Variants in KIF6 observed in about 807,000 individuals in gnomAD.
The protein encoded by KIF6 is kinesin family member 6.
Under a neutral mutation model 112.7 loss-of-function variants are expected in KIF6, and 106 were observed. The ratio of observed to expected loss-of-function variants is 0.94; its 90% CI spans 0.80 to 1.11. The LOEUF is 1.11. Ranked by LOEUF, KIF6 falls within the 50% of genes least tolerant of loss-of-function variation. The probability of loss-of-function intolerance (pLI) is 0.00; values close to 1 mark genes in which losing one functional copy is unlikely to be tolerated. For missense variants in KIF6, 929 were observed against 964.0 expected (o/e 0.96, Z 0.48); for synonymous variants, 339 against 339.9 (o/e 1.00, Z 0.03).
At chr6:39,338,539 C>T (rs981370977) in intron 22 of KIF6, among the ~76,000 whole-genome samples, 4 of 152,280 alleles carry the variant, frequency 2.6e-5, no homozygotes, top group African/African-American at 2.4e-5. Flanking sequence ...ACAAGTACAC[C>T]GAGCCTATGA....
At chr6:39,518,134 C>T (rs1038129072) in intron 13 of KIF6, among the ~76,000 whole-genome samples, 4 of 152,160 alleles carry the variant, frequency 2.6e-5, no homozygotes, top group Non-Finnish European at 5.9e-5. Flanking sequence ...AGTTCTGGAA[C>T]ACTAAGTGTG....
chr6:39,369,617 G>A (rs758936979), intron 16 of KIF6, among the ~76,000 whole-genome samples: 2 of 152,106 alleles, frequency 1.3e-5, no homozygotes, highest in Admixed American at 1.3e-4. Flanking sequence ...CAGGGATGGC[G>A]GCCTCTCTCC....
rs1765807884 is a variant in KIF6 at position 39,369,497 on chromosome 6, G to C, written c.1862-6979C>G. Reference sequence around the variant, plus strand: ...GAAACGTGCCAGATGCCTGCTTGTAGCAAAACCCAGGCCCTGACAGTCCCC... The same window carrying C: ...GAAACGTGCCAGATGCCTGCTTGTACCAAAACCCAGGCCCTGACAGTCCCC... On this transcript the variant is annotated intron_variant, in intron 16 of 22. Coordinates refer to ENST00000287152, the MANE Select transcript of KIF6 (RefSeq NM_145027.6). Among the ~76,000 whole-genome samples, 3 of 152,150 alleles carry C rather than the reference G, an allele frequency of 2.0e-5. No individual in the cohort carries two copies. In the South Asian group the frequency reaches 6.2e-4, roughly 32 times the overall value.
intron 1 of KIF6, among the ~76,000 whole-genome samples, chr6:39,723,300 T>G (rs1270817876): frequency 1.3e-5 from 2 of 152,198 alleles, no homozygotes. Flanking sequence ...AGTATATATA[T>G]GGAACAGGAA....
At chr6:39,617,007 A>C (rs1275235367) in intron 5 of KIF6, among the ~76,000 whole-genome samples, 2 of 152,224 alleles carry the variant, frequency 1.3e-5, no homozygotes, top group African/African-American at 4.8e-5. Context: ...TGGGCTTGAA[A>C]GAGGGCTTTA....
At chr6:39,339,110 A>G (rs564483135) in intron 22 of KIF6, among the ~76,000 whole-genome samples, 13 of 152,120 alleles carry the variant, frequency 8.5e-5, no homozygotes, top group Non-Finnish European at 1.6e-4. Context: ...CTCTGTCTGT[A>G]TTGGGGTTTT....
At chr6:39,719,214 G>A (rs1790055265) in intron 2 of KIF6, among the ~76,000 whole-genome samples, 3 of 152,162 alleles carry the variant, frequency 2.0e-5, no homozygotes, top group Admixed American at 6.5e-5. Flanking sequence ...AGTTACTTGG[G>A]AGGCTGAGGC....
rs551215301 is a variant in KIF6, at chr6:39,342,644, G to A, written c.2428+1065C>T. On this transcript the variant is annotated intron_variant, in intron 22 of 22. Coordinates refer to ENST00000287152, the MANE Select transcript of KIF6 (RefSeq NM_145027.6). The surrounding 1 kb of genome is among the most constrained non-coding windows in gnomAD (Gnocchi z 4.7). ...TTATTTTTTTTTATTTTTAGACAAG[G>A]AAACTGAGAATGAGACAAGATCACA... 4.8e-4 allele frequency among the ~76,000 whole-genome samples: 68 copies of A among 141,826 alleles called. No homozygotes were observed. The highest frequency in any genetic ancestry group is 1.8e-3 in the African/African-American group (63 of 35,410). 93.0% of individuals were successfully genotyped at this position (141,826 alleles called of 152,430 possible).
At chr6:39,483,147 A>C (rs1011415115) in intron 13 of KIF6, among the ~76,000 whole-genome samples, 8 of 152,292 alleles carry the variant, frequency 5.3e-5, no homozygotes, top group African/African-American at 1.7e-4. Context: ...TATTCAGCCG[A>C]TTTGAGAGAT....
intron 10 of KIF6, among the ~76,000 whole-genome samples, chr6:39,546,914 G>A (rs968211361): frequency 2.0e-5 from 3 of 151,182 alleles, no homozygotes; most frequent in African/African-American, 7.3e-5. Context: ...GGAAATTCTT[G>A]GCTCTTATTT....
At chr6:39,620,157 C>T (rs1783737504) in intron 5 of KIF6, among the ~76,000 whole-genome samples, 1 of 152,208 alleles carries the variant, frequency 6.6e-6, no homozygotes, top group African/African-American at 2.4e-5. Flanking sequence ...TATCATGTTC[C>T]TTCTGATGCT....
intron 5 of KIF6, among the ~76,000 whole-genome samples, chr6:39,625,395 C>G (rs560363844): frequency 6.6e-6 from 1 of 152,176 alleles, no homozygotes; most frequent in South Asian, 2.1e-4. Context: ...GCTTTCTATT[C>G]CTTCATCATG....
intron 16 of KIF6, among the ~76,000 whole-genome samples, chr6:39,366,113 T>C (rs904304193): frequency 2.0e-5 from 3 of 152,156 alleles, no homozygotes; most frequent in Non-Finnish European, 4.4e-5. Flanking sequence ...TCGGGAGCCT[T>C]AGGCAAGGAG....
At chr6:39,435,970 A>C (rs1336817400) in intron 13 of KIF6, among the ~76,000 whole-genome samples, 1 of 152,218 alleles carries the variant, frequency 6.6e-6, no homozygotes, top group Non-Finnish European at 1.5e-5. Flanking sequence ...ATTAATTTAC[A>C]GTTCCACTAG....
intron 13 of KIF6, among the ~76,000 whole-genome samples, chr6:39,536,376 AG>A (rs1215435255): frequency 6.6e-6 from 1 of 152,202 alleles, no homozygotes; most frequent in Non-Finnish European, 1.5e-5. Context: ...AAAATGATAA[AG>A]GGGATATCAC....
intron 14 of KIF6, among the ~76,000 whole-genome samples, chr6:39,429,327 G>A (rs372291633): frequency 1.7e-4 from 26 of 152,134 alleles, no homozygotes; most frequent in African/African-American, 6.0e-4. Context: ...CTTTTTCACA[G>A]AGAAAACTTA....
intron 9 of KIF6, among the ~76,000 whole-genome samples, chr6:39,581,655 A>G (rs1781303098): frequency 6.6e-6 from 1 of 151,856 alleles, no homozygotes; most frequent in South Asian, 2.1e-4. Context: ...ATGGTAGTGG[A>G]TAGATTTTTT....
chr6:39,345,939 G>A lies in KIF6; in HGVS notation c.2232-150C>T, dbSNP rs1581630835. Reference sequence around the variant, plus strand: ...CTAATTCCCAGTGTGATGGCATTGGGCAGTGGGGCCTTTGGGAGGTGAATA... The same window carrying A: ...CTAATTCCCAGTGTGATGGCATTGGACAGTGGGGCCTTTGGGAGGTGAATA... On this transcript the variant is annotated intron_variant, in intron 20 of 22. Coordinates refer to ENST00000287152, the MANE Select transcript of KIF6 (RefSeq NM_145027.6). The A allele has an allele frequency of 1.1e-5, 7 of 624,228 alleles. No individual in the cohort carries two copies. In the East Asian group the frequency reaches 1.9e-4, roughly 17 times the overall value. The allele number at this position is 624,228 out of a possible 1,614,324, so 38.7% of individuals were successfully genotyped here.
At chr6:39,428,898 C>T (rs1770947777) in intron 14 of KIF6, among the ~76,000 whole-genome samples, 1 of 152,244 alleles carries the variant, frequency 6.6e-6, no homozygotes, top group Non-Finnish European at 1.5e-5. Flanking sequence ...GATGGATACT[C>T]AGCATGTTTC....
Sources: gnomAD v4.1 joint callset for allele counts (sites outside exome capture counted in the v4.1 genomes callset) on GRCh38, gnomAD v4.1.1 for gene constraint, Gnocchi (gnomAD v3.1) non-coding constraint, MANE v1.5 for transcripts, NCBI Gene and HGNC (gene_info 2026-07-23, HGNC 2026-07-21) for gene names.